The following KAZN variants were observed in gnomAD, a reference collection of about 807,000 sequenced individuals.
The protein encoded by KAZN is kazrin.
A neutral mutation model predicts 87.4 loss-of-function variants in KAZN; 40 were observed. The observed-to-expected ratio is 0.46, with a 90% confidence interval of 0.36 to 0.60. The LOEUF (loss-of-function observed/expected upper bound fraction) is 0.60, where lower values mean the gene tolerates loss of function less well. Among genes scored for constraint, KAZN ranks in the 20% least tolerant of loss-of-function variants. The probability of loss-of-function intolerance (pLI) is 0.00; values close to 1 mark genes in which losing one functional copy is unlikely to be tolerated. For missense variants in KAZN, 898 were observed against 1,073.9 expected, an observed-to-expected ratio of 0.84 and a Z score of 2.29; for synonymous variants, 466 against 458.3, an observed-to-expected ratio of 1.02 and a Z score of -0.22.
chr1:14,124,542 A>T (rs1156237075), intron 1 of KAZN, among the ~76,000 whole-genome samples: 1 of 152,226 alleles, frequency 6.6e-6, no homozygotes, highest in East Asian at 1.9e-4. Context: ...TCGGCACAGA[A>T]TAGACAATGG....
At chr1:14,978,892 G>T (rs1023734389) in intron 2 of KAZN, among the ~76,000 whole-genome samples, 1 of 152,066 alleles carries the variant, frequency 6.6e-6, no homozygotes, top group African/African-American at 2.4e-5. Flanking sequence ...CAGGAAGAGG[G>T]CAGTGGGAGG....
At chr1:14,384,212 T>C (rs1045412443) in intron 2 of KAZN, among the ~76,000 whole-genome samples, 1 of 151,728 alleles carries the variant, frequency 6.6e-6, no homozygotes, top group Non-Finnish European at 1.5e-5. Context: ...AAGGAGATTT[T>C]GGGCTGAGAC....
At chr1:14,647,639 A>G (rs1680903204) in intron 1 of KAZN, among the ~76,000 whole-genome samples, 1 of 152,210 alleles carries the variant, frequency 6.6e-6, no homozygotes, top group Admixed American at 6.5e-5. Flanking sequence ...TGTCATCTAC[A>G]TAATTGTTAC....
intron 2 of KAZN, among the ~76,000 whole-genome samples, chr1:15,018,352 G>A (rs529113899): frequency 2.3e-4 from 35 of 152,020 alleles, no homozygotes; most frequent in Admixed American, 1.4e-3. Context: ...TAAAACTCTC[G>A]CACCCCTCCA....
intron 2 of KAZN, among the ~76,000 whole-genome samples, chr1:14,466,671 AAAAAG>A (rs950200659): frequency 6.4e-5 from 9 of 140,294 alleles, no homozygotes; most frequent in African/African-American, 1.7e-4. Context: ...AAAAAAAAAA[AAAAAG>A]AAGAAGAAAC....
rs55928646 is a variant in KAZN at position 14,146,536 on chromosome 1, CAAAAAAA to C, written c.92-33884_92-33878del. Among the ~76,000 whole-genome samples the C allele has an allele frequency of 6.3e-5, 4 of 63,516 alleles. No individual in the cohort carries two copies. The East Asian group carries it at 2.2e-3, about 35-fold the overall frequency. 41.7% of individuals were successfully genotyped at this position (63,516 alleles called of 152,430 possible). On this transcript the variant is annotated intron_variant, in intron 1 of 16. Transcript: ENST00000636203. ...GGGCAACAAGAGTGAAACTCCATCT[CAAAAAAA>C]AAAAAAAAAAAAAAGAAAAGAAAAG...
In KAZN at chr1:14,624,347, G is replaced by T. The variant is rs111716494; in HGVS notation, c.226+25124G>T. 4.6e-5 allele frequency among the ~76,000 whole-genome samples: 7 copies of T among 151,964 alleles called. No homozygotes were observed. In the East Asian group the frequency reaches 1.4e-3, roughly 29 times the overall value. On this transcript the variant is annotated intron_variant, in intron 1 of 14. Transcript: ENST00000376030. Reference sequence around the variant, plus strand: ...TGAGGCAGGAGAATCGCTTGAATCCGGGAGGCGGAGGTTGCAGTGAGCCAA... The same window carrying T: ...TGAGGCAGGAGAATCGCTTGAATCCTGGAGGCGGAGGTTGCAGTGAGCCAA...
rs368552494 is a variant in KAZN at position 15,082,063 on chromosome 1, A to G, written c.1223-12117A>G. 1.1e-4 allele frequency among the ~76,000 whole-genome samples: 16 copies of G among 152,280 alleles called. No individual in the cohort carries two copies. In the South Asian group the frequency reaches 3.3e-3, roughly 32 times the overall value. On this transcript the variant is annotated intron_variant, in intron 8 of 14. Coordinates refer to ENST00000376030, the MANE Select transcript of KAZN (RefSeq NM_201628.3). ...GACAGGGGACAGGTGATGGAGACTCAGGAGTGATGGAATTCAGCAGGGGAC... is the reference window on the plus strand; with the variant it reads ...GACAGGGGACAGGTGATGGAGACTCGGGAGTGATGGAATTCAGCAGGGGAC...
chr1:14,084,795 G>T (rs1040683754), intron 1 of KAZN, among the ~76,000 whole-genome samples: 1 of 151,754 alleles, frequency 6.6e-6, no homozygotes, highest in Non-Finnish European at 1.5e-5. Flanking sequence ...CGAGTTAATG[G>T]GTGCAGCACA....
Position 15,053,700 on chromosome 1 carries a change from C to G in KAZN, c.727-2391C>G, listed in dbSNP as rs2100462337. On this transcript the variant is annotated intron_variant, in intron 4 of 14. Coordinates refer to ENST00000376030, the MANE Select transcript of KAZN (RefSeq NM_201628.3). ...CCACTGGAGAAGTCACTAAACCTCT[C>G]TGAGTTTTGGTTTCTTACCTGTTGA... Among the ~76,000 whole-genome samples the G allele has an allele frequency of 2.0e-5, 3 of 152,358 alleles. No individual in the cohort carries two copies. The South Asian group carries it at 6.2e-4, about 32-fold the overall frequency.
intron 1 of KAZN, among the ~76,000 whole-genome samples, chr1:14,619,337 A>G (rs1678508283): frequency 6.6e-6 from 1 of 151,238 alleles, no homozygotes; most frequent in Non-Finnish European, 1.5e-5. Context: ...AGCTAGATCT[A>G]CAGGTGGGTG....
chr1:14,636,238 G>A (rs1166284608), intron 1 of KAZN, among the ~76,000 whole-genome samples: 2 of 152,182 alleles, frequency 1.3e-5, no homozygotes, highest in African/African-American at 2.4e-5. Context: ...CATCTGTCAA[G>A]TGAGGGGGTG....
intron 1 of KAZN, among the ~76,000 whole-genome samples, chr1:14,101,199 G>C (rs980578616): frequency 6.6e-6 from 1 of 152,194 alleles, no homozygotes; most frequent in Non-Finnish European, 1.5e-5. Context: ...AACAGGCCTT[G>C]AAAGGGTTGC....
intron 2 of KAZN, among the ~76,000 whole-genome samples, chr1:14,374,558 A>G (rs1660752626): frequency 6.6e-6 from 1 of 152,224 alleles, no homozygotes; most frequent in Non-Finnish European, 1.5e-5. Flanking sequence ...TTCACCAATG[A>G]AAACCCATTT....
chr1:15,109,537 G>A (rs1358911929), intron 13 of KAZN, among the ~76,000 whole-genome samples: 1 of 152,130 alleles, frequency 6.6e-6, no homozygotes, highest in Non-Finnish European at 1.5e-5. Flanking sequence ...AGATGTAATT[G>A]TAGCAATTAC....
chr1:13,971,150 C>T (rs1338923558), intron 1 of KAZN, among the ~76,000 whole-genome samples: 1 of 152,192 alleles, frequency 6.6e-6, no homozygotes, highest in Non-Finnish European at 1.5e-5. Context: ...CCACTCAGCT[C>T]TCCTCCACAT....
chr1:14,005,445 G>A (rs12129723), intron 1 of KAZN, among the ~76,000 whole-genome samples: 66,872 of 151,936 alleles, frequency 0.44, 16,560 homozygotes, highest in Admixed American at 0.59. Flanking sequence ...CCAGAGAAGG[G>A]CAGTGCTGGA....
chr1:14,468,395 C>A (rs1272238384), intron 2 of KAZN, among the ~76,000 whole-genome samples: 1 of 152,078 alleles, frequency 6.6e-6, no homozygotes, highest in Non-Finnish European at 1.5e-5. Flanking sequence ...GCCATGAAAC[C>A]CCAGGAACTA....
chr1:14,303,956 A>G (rs1654742353), intron 2 of KAZN, among the ~76,000 whole-genome samples: 2 of 152,164 alleles, frequency 1.3e-5, no homozygotes, highest in South Asian at 4.1e-4. Flanking sequence ...TGTTCAATAA[A>G]CAACCCTTCC....
Sources: gnomAD v4.1 joint callset for allele counts (sites outside exome capture counted in the v4.1 genomes callset) on GRCh38, gnomAD v4.1.1 for gene constraint, MANE v1.5 for transcripts, NCBI Gene and HGNC (gene_info 2026-07-23, HGNC 2026-07-21) for gene names.